ZNF66: variants seen among roughly 807,000 people sequenced by gnomAD.
ZNF66 encodes the protein zinc finger protein 66, also known as putative zinc finger protein 66.
A neutral mutation model predicts 35.2 loss-of-function variants in ZNF66; 32 were observed. The ratio of observed to expected loss-of-function variants is 0.91; its 90% confidence interval spans 0.69 to 1.22. The LOEUF is 1.22. Among genes scored for constraint, ZNF66 ranks in the 50% most tolerant of loss-of-function variants. The pLI is 0.00. For synonymous variants in ZNF66, 231 were observed against 181.3 expected, an observed-to-expected ratio of 1.27 and a Z score of -2.20; for missense variants, 666 against 543.1, an observed-to-expected ratio of 1.23 and a Z score of -2.25.
chr19:20,801,171 T>C (rs1159693733), intron 3 of ZNF66, among the ~76,000 whole-genome samples: 1 of 125,178 alleles, frequency 8.0e-6, no homozygotes, highest in Non-Finnish European at 1.8e-5. Context: ...TTGTGGTTAC[T>C]ATTTTCATGG....
At chr19:20,779,887 C>A (rs117714416) in intron 1 of ZNF66, among the ~76,000 whole-genome samples, 5,690 of 150,474 alleles carry the variant, frequency 0.038, 110 homozygotes, top group African/African-American at 0.052. Context: ...GAGATTGCAC[C>A]AGTGCACTCC....
chr19:20,791,485 C>CAAA (rs35269524), intron 1 of ZNF66, among the ~76,000 whole-genome samples: 4 of 57,302 alleles, frequency 7.0e-5, no homozygotes, highest in Admixed American at 3.6e-4. Context: ...GACTTAATCT[C>CAAA]AAAAAAAAAA....
chr19:20,805,919 G>C lies in ZNF66; in HGVS notation c.319G>C (p.Gly107Arg), dbSNP rs975591692. 1 of 675,888 alleles carries C rather than the reference G, an allele frequency of 1.5e-6. No individual in the cohort carries two copies. Among genetic ancestry groups the C allele is most frequent in the Admixed American group, 2.4e-5 (1 of 41,284 alleles). The allele number at this position is 675,888 out of a possible 1,614,324, so 41.9% of individuals were successfully genotyped here. A position where few individuals can be genotyped will look rare whatever the true frequency, so the allele number is the denominator to read the frequency against. The change falls in exon 4 of 4, where the codon GGA becomes CGA. Residue 107 changes from glycine to arginine, a missense_variant. Gly to Arg is a moderately radical substitution (Grantham distance 125). Coordinates refer to ENST00000344519, the MANE Select transcript of ZNF66 (RefSeq NM_001355197.2). ...KLILRRHKKC[G>R]HDNLQLKKGC... ...GATACTGAGAAGGCATAAAAAATGT[G>C]GACATGATAATTTGCAGTTAAAAAA...
At position 20,796,813 on chromosome 19, in the gene ZNF66, G is replaced by T. The variant is rs1055239430; in HGVS notation, c.226+2935G>T. 6.6e-5 allele frequency among the ~76,000 whole-genome samples: 10 copies of T among 152,250 alleles called. No individual in the cohort carries two copies. The South Asian group carries it at 2.1e-3, about 32-fold the overall frequency. Reference sequence around the variant, plus strand: ...ATGATTCAAAATACCTGCATTTAGTGAGTACACACTAACAGTTAAATATTT... The same window carrying T: ...ATGATTCAAAATACCTGCATTTAGTTAGTACACACTAACAGTTAAATATTT... On this transcript the variant is annotated intron_variant, in intron 3 of 3. Transcript: ENST00000344519.
In ZNF66 at chr19:20,782,720, GT is replaced by G. The variant is rs1361594642; in HGVS notation, c.3+6276del. On this transcript the variant is annotated intron_variant, in intron 1 of 3. Coordinates refer to ENST00000344519, the MANE Select transcript of ZNF66 (RefSeq NM_001355197.2). ...GCCTACAATTTAATGAAGTTGTTTGGTTTTTTCTTTTAAACTTGTATAAGTT... is the reference window on the plus strand; with the variant it reads ...GCCTACAATTTAATGAAGTTGTTTGGTTTTTCTTTTAAACTTGTATAAGTT... Among the ~76,000 whole-genome samples the G allele has an allele frequency of 1.3e-5, 2 of 152,140 alleles. 1 individual carries two copies. Among genetic ancestry groups the G allele is most frequent in the South Asian group, 4.1e-4 (2 of 4,820 alleles).
chr19:20,804,678 C>T (rs1971482847), intron 3 of ZNF66, among the ~76,000 whole-genome samples: 1 of 152,094 alleles, frequency 6.6e-6, no homozygotes, highest in African/African-American at 2.4e-5. Context: ...GAGCTTTGGA[C>T]ATTAACAAAA....
intron 3 of ZNF66, among the ~76,000 whole-genome samples, chr19:20,797,084 C>T (rs62125619): frequency 0.17 from 25,883 of 151,492 alleles, 2,535 homozygotes; most frequent in African/African-American, 0.26. Flanking sequence ...CTTATGACCT[C>T]AGGTGAGCTG....
At chr19:20,785,628 T>TTTAACTTTC (rs899294209) in intron 1 of ZNF66, among the ~76,000 whole-genome samples, 44 of 152,324 alleles carry the variant, frequency 2.9e-4, no homozygotes, top group African/African-American at 1.1e-3. Context: ...GACCATGATG[T>TTTAACTTTC]ATGTCACTTT....
intron 3 of ZNF66, among the ~76,000 whole-genome samples, chr19:20,805,258 G>A (rs2144917703): frequency 1.3e-5 from 2 of 152,226 alleles, no homozygotes; most frequent in South Asian, 4.1e-4. Context: ...GCAGTGGTAT[G>A]ATGTCAGCTT....
chr19:20,788,815 G>C (rs1240525115), intron 1 of ZNF66, among the ~76,000 whole-genome samples: 1 of 152,136 alleles, frequency 6.6e-6, no homozygotes, highest in South Asian at 2.1e-4. Flanking sequence ...CACTTTGGGG[G>C]TCTAAGGCAG....
intron 3 of ZNF66, among the ~76,000 whole-genome samples, chr19:20,799,721 A>G (rs1286708793): frequency 6.6e-6 from 1 of 152,212 alleles, no homozygotes; most frequent in Non-Finnish European, 1.5e-5. Context: ...TATGCATGGC[A>G]ACTCTGTGGA....
At position 20,776,468 on chromosome 19, in the gene ZNF66, G is replaced by A. The variant is rs761122038; in HGVS notation, c.3+18G>A. 1.2e-5 allele frequency: 18 copies of A among 1,545,542 alleles called. No individual in the cohort carries two copies. The South Asian group carries it at 1.9e-4, about 16-fold the overall frequency. On this transcript the variant is annotated intron_variant, in intron 1 of 3. Coordinates refer to ENST00000344519, the MANE Select transcript of ZNF66 (RefSeq NM_001355197.2). Reference sequence around the variant, plus strand: ...TAGAAATGGTGAGAGTGCCGGTCCAGCATCCCGAGAGAGGTGAAGTGTCTG... The same window carrying A: ...TAGAAATGGTGAGAGTGCCGGTCCAACATCCCGAGAGAGGTGAAGTGTCTG...
intron 2 of ZNF66, among the ~76,000 whole-genome samples, chr19:20,793,322 C>CTTTTTT (rs370522800): frequency 1.9e-4 from 12 of 63,364 alleles, no homozygotes; most frequent in Admixed American, 6.3e-4. Flanking sequence ...CTTTTCTTTT[C>CTTTTTT]TTTTCTTTTC....
intron 1 of ZNF66, among the ~76,000 whole-genome samples, chr19:20,789,006 G>A (rs1379258931): frequency 6.6e-6 from 1 of 151,736 alleles, no homozygotes; most frequent in African/African-American, 2.4e-5. Context: ...AGCTGAAATG[G>A]CACCACTGCA....
intron 3 of ZNF66, among the ~76,000 whole-genome samples, chr19:20,799,555 TC>T (rs1168145748): frequency 3.9e-5 from 6 of 152,226 alleles, no homozygotes; most frequent in African/African-American, 1.2e-4. Flanking sequence ...GTGTGTTTTT[TC>T]AAATGCTTTT....
intron 1 of ZNF66, among the ~76,000 whole-genome samples, chr19:20,779,085 G>C (rs1971221891): frequency 6.6e-6 from 1 of 152,186 alleles, no homozygotes; most frequent in Admixed American, 6.5e-5. Context: ...CTGGAAAGCT[G>C]GGGTCCCACA....
At chr19:20,780,855 C>T (rs1971239201) in intron 1 of ZNF66, among the ~76,000 whole-genome samples, 1 of 152,040 alleles carries the variant, frequency 6.6e-6, no homozygotes, top group East Asian at 1.9e-4. Flanking sequence ...GATTACAGAC[C>T]CCCTTTTCCC....
intron 1 of ZNF66, among the ~76,000 whole-genome samples, chr19:20,790,481 C>A (rs1971326434): frequency 6.9e-6 from 1 of 145,394 alleles, no homozygotes; most frequent in Admixed American, 6.9e-5. Flanking sequence ...GCAGAAATTG[C>A]TGGTGTCTGT....
intron 1 of ZNF66, among the ~76,000 whole-genome samples, chr19:20,787,662 A>G (rs1312929004): frequency 1.3e-5 from 2 of 152,214 alleles, no homozygotes; most frequent in Non-Finnish European, 2.9e-5. Context: ...CCAGGAGGAA[A>G]TAGAATCTGA....
Sources: allele counts gnomAD v4.1 joint callset (sites outside exome capture counted in the v4.1 genomes callset), GRCh38; gene constraint gnomAD v4.1.1; transcripts MANE v1.5; gene names NCBI Gene and HGNC (gene_info 2026-07-23, HGNC 2026-07-21).